CRPPA: variants seen among roughly 807,000 people sequenced by gnomAD.
CRPPA encodes the protein CDP-L-ribitol pyrophosphorylase A, also known as D-ribitol-5-phosphate cytidylyltransferase.
Under a neutral mutation model 52.0 loss-of-function variants are expected in CRPPA, and 43 were observed. The ratio of observed to expected loss-of-function variants is 0.83; its 90% CI spans 0.65 to 1.07. The LOEUF (loss-of-function observed/expected upper bound fraction) is 1.07, where lower values mean the gene tolerates loss of function less well. CRPPA is among the 50% of genes least tolerant of loss of function. CRPPA has a pLI of 0.00. For synonymous variants in CRPPA, 250 were observed against 203.5 expected (o/e 1.23, Z -1.94); for missense variants, 629 against 551.7 (o/e 1.14, Z -1.40).
chr7:16,226,183 T>C (rs1782646880), intron 8 of CRPPA, among the ~76,000 whole-genome samples: 1 of 151,922 alleles, frequency 6.6e-6, no homozygotes, highest in Non-Finnish European at 1.5e-5. Flanking sequence ...ATAGATAATC[T>C]AATAATCAAA....
chr7:16,415,553 G>A lies in CRPPA; in HGVS notation c.257+5513C>T, dbSNP rs75271451. 3.9e-3 allele frequency among the ~76,000 whole-genome samples: 591 copies of A among 152,200 alleles called. 5 individuals carry two copies. Among genetic ancestry groups the A allele is most frequent in the African/African-American group, 0.014 (571 of 41,530 alleles). On this transcript the variant is annotated intron_variant, in intron 1 of 9. Transcript: ENST00000407010. Reference sequence around the variant, plus strand: ...TTCATTGTTCTACCCCACCTCCAGAGATACCCTGTGCCTCTGATGTCTATA... The same window carrying A: ...TTCATTGTTCTACCCCACCTCCAGAAATACCCTGTGCCTCTGATGTCTATA...
At chr7:16,242,246 G>A (rs551523688) in intron 8 of CRPPA, among the ~76,000 whole-genome samples, 8 of 151,828 alleles carry the variant, frequency 5.3e-5, no homozygotes, top group South Asian at 2.1e-4. Context: ...GAGACACCGC[G>A]CCCAGCCAAA....
chr7:16,266,850 TTC>T (rs1783970075), intron 6 of CRPPA, among the ~76,000 whole-genome samples: 3 of 152,290 alleles, frequency 2.0e-5, no homozygotes, highest in Admixed American at 2.0e-4. Flanking sequence ...CACCCTGCTT[TTC>T]TTTCTGTCGA....
At chr7:16,240,572 TACACACACAC>T (rs71549978) in intron 8 of CRPPA, among the ~76,000 whole-genome samples, 2 of 148,124 alleles carry the variant, frequency 1.4e-5, no homozygotes, top group African/African-American at 5.0e-5. Context: ...TTATTACACA[TACACACACAC>T]ACACACACAC....
chr7:16,198,422 C>T (rs528996285), intron 9 of CRPPA, among the ~76,000 whole-genome samples: 58 of 102,032 alleles, frequency 5.7e-4, no homozygotes, highest in African/African-American at 2.2e-3. Flanking sequence ...ATGCCAAGAC[C>T]TTTGTTCACG....
rs151168390 is a variant in CRPPA, at chr7:16,144,385, A to G, written c.1252-52586T>C. The stretch of plus-strand genomic sequence containing the variant: ...GTCCTACCTGTCTAGAGACATGCCC[A>G]AGGGAGCTGGGAGAAGTCATATGCA... On this transcript the variant is annotated intron_variant, in intron 9 of 9. Coordinates refer to ENST00000407010, the MANE Select transcript of CRPPA (RefSeq NM_001101426.4). Among the ~76,000 whole-genome samples the G allele has an allele frequency of 3.6e-4, 55 of 152,320 alleles. No individual in the cohort carries two copies. The South Asian group carries it at 7.3e-3, about 20-fold the overall frequency.
intron 6 of CRPPA, among the ~76,000 whole-genome samples, chr7:16,260,845 C>G (rs1783775453): frequency 6.6e-6 from 1 of 151,928 alleles, no homozygotes; most frequent in Non-Finnish European, 1.5e-5. Flanking sequence ...AGCTTAGGAT[C>G]TTTGAGGACA....
intron 3 of CRPPA, among the ~76,000 whole-genome samples, chr7:16,314,132 A>G (rs955030876): frequency 9.2e-5 from 14 of 151,624 alleles, no homozygotes; most frequent in African/African-American, 3.4e-4. Flanking sequence ...GGATTTACCT[A>G]TCTCTTCTTG....
chr7:16,301,731 T>C (rs1211743070), intron 4 of CRPPA, among the ~76,000 whole-genome samples: 2 of 152,260 alleles, frequency 1.3e-5, no homozygotes, highest in Admixed American at 6.5e-5. Flanking sequence ...AGTATTATAC[T>C]TAAAGAAAAT....
intron 3 of CRPPA, among the ~76,000 whole-genome samples, chr7:16,352,776 T>C (rs1786189817): frequency 6.6e-6 from 1 of 152,052 alleles, no homozygotes; most frequent in African/African-American, 2.4e-5. Flanking sequence ...TCGATTAATA[T>C]GTCAGAGATG....
chr7:16,271,825 A>G (rs1784095820), intron 6 of CRPPA, among the ~76,000 whole-genome samples: 2 of 152,072 alleles, frequency 1.3e-5, no homozygotes, highest in Non-Finnish European at 2.9e-5. Context: ...TTTATCCCCA[A>G]CTGGACAATA....
chr7:16,188,557 G>A (rs554680180), intron 9 of CRPPA, among the ~76,000 whole-genome samples: 18 of 152,234 alleles, frequency 1.2e-4, no homozygotes, highest in African/African-American at 3.1e-4. Context: ...TGCTAGCAGT[G>A]TGAGATTGGA....
intron 3 of CRPPA, among the ~76,000 whole-genome samples, chr7:16,338,900 C>G (rs533187682): frequency 6.7e-6 from 1 of 149,326 alleles, no homozygotes; most frequent in East Asian, 2.0e-4. Context: ...ACTGCAAGCT[C>G]TGCCTCACAG....
chr7:16,144,140 T>A (rs1389473720), intron 9 of CRPPA, among the ~76,000 whole-genome samples: 1 of 152,152 alleles, frequency 6.6e-6, no homozygotes, highest in Non-Finnish European at 1.5e-5. Flanking sequence ...CAGACCTTGA[T>A]ACCAGCTTCA....
chr7:16,213,924 A>G (rs994154947), intron 9 of CRPPA, among the ~76,000 whole-genome samples: 4 of 152,164 alleles, frequency 2.6e-5, no homozygotes, highest in African/African-American at 9.7e-5. Context: ...TGTGAAAGCA[A>G]GCTTTATGTT....
chr7:16,280,927 G>A (rs1474810638), intron 5 of CRPPA, among the ~76,000 whole-genome samples: 1 of 152,150 alleles, frequency 6.6e-6, no homozygotes, highest in Non-Finnish European at 1.5e-5. Flanking sequence ...GGCTGAGGCA[G>A]GAGAATCGCT....
intron 4 of CRPPA, among the ~76,000 whole-genome samples, chr7:16,302,251 G>C (rs1473325809): frequency 7.5e-6 from 1 of 132,840 alleles, no homozygotes; most frequent in Non-Finnish European, 1.5e-5. Context: ...TGCCGAGATT[G>C]CGCCACTGCA....
chr7:16,320,132 C>G lies in CRPPA; in HGVS notation c.685-11505G>C, dbSNP rs982176414. On this transcript the variant is annotated intron_variant, in intron 3 of 9. Transcript: ENST00000407010. ...CTTTTGAGGATTTGTCATTTTTAAT[C>G]CCTTTCTAGTAGCTTTAATGAGGTT... 1.3e-4 allele frequency among the ~76,000 whole-genome samples: 20 copies of G among 152,038 alleles called. 1 individual carries two copies. The East Asian group carries it at 3.9e-3, about 29-fold the overall frequency.
At chr7:16,418,518 C>T (rs1212695770) in intron 1 of CRPPA, among the ~76,000 whole-genome samples, 1 of 152,068 alleles carries the variant, frequency 6.6e-6, no homozygotes, top group African/African-American at 2.4e-5. Flanking sequence ...TTCAGCATGG[C>T]TGGGGAGGCC....
Sources: allele counts gnomAD v4.1 joint callset (sites outside exome capture counted in the v4.1 genomes callset), GRCh38; gene constraint gnomAD v4.1.1; transcripts MANE v1.5; gene names NCBI Gene and HGNC (gene_info 2026-07-23, HGNC 2026-07-21).